Variants in STT3B observed in about 807,000 individuals in gnomAD.
STT3B encodes the protein STT3 oligosaccharyltransferase complex catalytic subunit B, also known as dolichyl-diphosphooligosaccharide--protein glycosyltransferase subunit STT3B.
In STT3B, 29 loss-of-function variants were observed where a neutral mutation model predicts 96.8. The ratio of observed to expected loss-of-function variants is 0.30; its 90% CI spans 0.22 to 0.41. The LOEUF is 0.41. Ranked by LOEUF, STT3B falls within the 10% of genes least tolerant of loss-of-function variation. The pLI, the probability that STT3B is intolerant of heterozygous loss-of-function variation, is 1.00. For synonymous variants in STT3B, 367 were observed against 360.0 expected (o/e 1.02, Z -0.22); for missense variants, 640 against 1,022.3 (o/e 0.63, Z 5.10).
intron 1 of STT3B, among the ~76,000 whole-genome samples, chr3:31,569,042 C>T (rs1469107682): frequency 6.6e-6 from 1 of 152,138 alleles, no homozygotes; most frequent in Non-Finnish European, 1.5e-5. Context: ...CGGGATCTTG[C>T]TCTGTAACCC....
chr3:31,545,713 A>G (rs954334471), intron 1 of STT3B, among the ~76,000 whole-genome samples: 6 of 151,898 alleles, frequency 4.0e-5, no homozygotes, highest in African/African-American at 1.4e-4. Flanking sequence ...AAACTCTCAT[A>G]TGTATATATC....
At chr3:31,605,265 G>A (rs1699025553) in intron 5 of STT3B, among the ~76,000 whole-genome samples, 1 of 151,930 alleles carries the variant, frequency 6.6e-6, no homozygotes, top group African/African-American at 2.4e-5. Flanking sequence ...GAAACATAAT[G>A]GAGAAATAAC....
intron 1 of STT3B, among the ~76,000 whole-genome samples, chr3:31,550,086 G>A (rs1180820954): frequency 6.6e-6 from 1 of 151,568 alleles, no homozygotes; most frequent in African/African-American, 2.4e-5. Context: ...TTTAGTAAAT[G>A]TCCTTTATAA....
chr3:31,605,812 T>C (rs368956218), intron 5 of STT3B, among the ~76,000 whole-genome samples: 2 of 152,138 alleles, frequency 1.3e-5, no homozygotes, highest in Non-Finnish European at 1.5e-5. Context: ...AACAGACAGA[T>C]AGATATTGGA....
In STT3B at chr3:31,536,867, G is replaced by A. The variant is rs1174835645; in HGVS notation, c.314+3555G>A. On this transcript the variant is annotated intron_variant, in intron 1 of 15. Transcript: ENST00000295770. ...TATACCTTTTTATCTGGAACAAAAT[G>A]TGTTTTCTACATATTTTTATTGTAA... is the stretch of plus-strand genomic sequence containing the variant. Among the ~76,000 whole-genome samples the A allele has an allele frequency of 2.0e-5, 3 of 152,182 alleles. No homozygotes were observed. The East Asian group carries it at 5.8e-4, about 29-fold the overall frequency.
intron 1 of STT3B, among the ~76,000 whole-genome samples, chr3:31,571,130 T>C (rs538239216): frequency 6.6e-6 from 1 of 152,190 alleles, no homozygotes; most frequent in African/African-American, 2.4e-5. Flanking sequence ...ATTACATAGG[T>C]ATTGCTATGT....
intron 3 of STT3B, among the ~76,000 whole-genome samples, chr3:31,591,673 A>G (rs1385842398): frequency 6.6e-6 from 1 of 152,022 alleles, no homozygotes; most frequent in Non-Finnish European, 1.5e-5. Flanking sequence ...CTGTGCTGTT[A>G]TTGTCGTATG....
intron 15 of STT3B, 96 bp downstream of exon 15, chr3:31,633,243 G>A: frequency 9.6e-7 from 1 of 1,038,414 alleles, no homozygotes; most frequent in Admixed American, 2.6e-5. Context: ...CCATCTGCCA[G>A]ATTTATAAAG....
chr3:31,552,435 G>A (rs1428054019), intron 1 of STT3B, among the ~76,000 whole-genome samples: 1 of 152,092 alleles, frequency 6.6e-6, no homozygotes, highest in Admixed American at 6.5e-5. Flanking sequence ...GCTTATAATA[G>A]GGAGATAAAC....
intron 2 of STT3B, among the ~76,000 whole-genome samples, chr3:31,577,601 A>C (rs140588697): frequency 6.6e-6 from 1 of 152,128 alleles, no homozygotes; most frequent in South Asian, 2.1e-4. Context: ...GATATATCCA[A>C]ATTTTTATAA....
At chr3:31,592,608 T>C (rs1324693915) in intron 3 of STT3B, among the ~76,000 whole-genome samples, 2 of 152,148 alleles carry the variant, frequency 1.3e-5, no homozygotes, top group Non-Finnish European at 1.5e-5. Flanking sequence ...TATTTTCTGG[T>C]TCTTTTGATA....
At chr3:31,576,555 G>A in intron 2 of STT3B, 51 bp downstream of exon 2, 2 of 1,107,602 alleles carry the variant, frequency 1.8e-6, no homozygotes, top group African/African-American at 3.2e-5. Flanking sequence ...ATTGTTACTT[G>A]AGTAAATCAT....
Position 31,569,178 on chromosome 3 carries a change from A to G in STT3B, c.315-7218A>G, listed in dbSNP as rs544774966. ...CATGTGCCACCATGCCTGGCTAATT[A>G]AAAAACTTTTTTTTCTTTCCCCAAG... is the stretch of plus-strand genomic sequence containing the variant. On this transcript the variant is annotated intron_variant, in intron 1 of 15. Coordinates refer to ENST00000295770, the MANE Select transcript of STT3B (RefSeq NM_178862.3). 2.0e-5 allele frequency among the ~76,000 whole-genome samples: 3 copies of G among 151,954 alleles called. No homozygotes were observed. In the South Asian group the frequency reaches 6.3e-4, roughly 32 times the overall value.
chr3:31,625,597 CTGGGGAGAAGAA>C (rs1699518341), intron 12 of STT3B, among the ~76,000 whole-genome samples: 1 of 152,146 alleles, frequency 6.6e-6, no homozygotes, highest in Admixed American at 6.5e-5. Flanking sequence ...GCATGCTAGA[CTGGGGAGAAGAA>C]ATGTATGTGC....
intron 1 of STT3B, among the ~76,000 whole-genome samples, chr3:31,570,303 C>T (rs1220684391): frequency 6.6e-6 from 1 of 152,044 alleles, no homozygotes; most frequent in African/African-American, 2.4e-5. Context: ...GAGATAACTC[C>T]AAGATACAAA....
intron 5 of STT3B, among the ~76,000 whole-genome samples, chr3:31,605,982 G>A (rs1441942018): frequency 6.6e-6 from 1 of 152,190 alleles, no homozygotes; most frequent in East Asian, 1.9e-4. Context: ...TTGGGAAATG[G>A]AGTAAAGGTG....
At chr3:31,615,961 A>G (rs1699298652) in intron 6 of STT3B, among the ~76,000 whole-genome samples, 1 of 151,900 alleles carries the variant, frequency 6.6e-6, no homozygotes, top group East Asian at 1.9e-4. Context: ...TTAGTTTTGT[A>G]TATCTTAGCA....
Position 31,633,165 on chromosome 3 carries a change from G to C in STT3B, c.2400+18G>C, listed in dbSNP as rs753614262. 6.2e-7 allele frequency: 1 copy of C among 1,604,984 alleles called. No homozygotes were observed. Among genetic ancestry groups the C allele is most frequent in the Admixed American group, 1.7e-5 (1 of 59,428 alleles). ...CAAAGAAGGTGGGTGCCAAGTGAAG[G>C]CATTAAAGGGTAACTTAAGGTGTGT... On this transcript the variant is annotated intron_variant, in intron 15 of 15. Coordinates refer to ENST00000295770, the MANE Select transcript of STT3B (RefSeq NM_178862.3).
chr3:31,580,768 A>G (rs1386880501), intron 3 of STT3B, among the ~76,000 whole-genome samples: 2 of 152,102 alleles, frequency 1.3e-5, no homozygotes, highest in Non-Finnish European at 2.9e-5. Context: ...CTGGAGGAGA[A>G]GGTTGCAATG....
Sources: allele counts gnomAD v4.1 joint callset (sites outside exome capture counted in the v4.1 genomes callset), GRCh38; gene constraint gnomAD v4.1.1; transcripts MANE v1.5; gene names NCBI Gene and HGNC (gene_info 2026-07-23, HGNC 2026-07-21).